Variants in MAGEA11 observed in about 807,000 individuals in gnomAD.
MAGEA11 encodes melanoma-associated antigen 11.
MAGEA11 carries 1 observed loss-of-function variant against 8.4 expected under a neutral mutation model. That is an observed-to-expected ratio of 0.12 (90% confidence interval 0.04 to 0.57). The LOEUF is 0.57. MAGEA11 is among the 20% of genes least tolerant of loss of function. MAGEA11 has a pLI of 0.91. For missense variants in MAGEA11, 209 were observed against 317.3 expected (o/e 0.66, Z 2.59); for synonymous variants, 127 against 119.3 (o/e 1.06, Z -0.42).
chrX:149,711,822 C>T, upstream of MAGEA11: 1 of 750,512 alleles, frequency 1.3e-6, no homozygotes, highest in Non-Finnish European at 1.6e-6. Flanking sequence ...GAGGACGGAG[C>T]TCCAGGCTCT....
chrX:149,692,536 T>C (rs1299250252), intron 1 of MAGEA11, among the ~76,000 whole-genome samples: 4 of 112,001 alleles, frequency 3.6e-5, no homozygotes, highest in African/African-American at 1.3e-4. Flanking sequence ...TTTTTCCATT[T>C]GTATTGAGTA....
intron 1 of MAGEA11, among the ~76,000 whole-genome samples, chrX:149,697,485 A>G (rs2090334405): frequency 2.7e-5 from 3 of 110,697 alleles, no homozygotes; most frequent in Non-Finnish European, 3.8e-5. Flanking sequence ...ACTGAAAGGC[A>G]GTGGAGAGGT....
intron 1 of MAGEA11, among the ~76,000 whole-genome samples, chrX:149,693,408 T>C (rs1557360308): frequency 9.0e-6 from 1 of 111,483 alleles, no homozygotes; most frequent in African/African-American, 3.3e-5. Flanking sequence ...TGTCTCTACC[T>C]GTGTGCAGAG....
chrX:149,694,023 G>A (rs2124278655), intron 1 of MAGEA11, among the ~76,000 whole-genome samples: 1 of 111,918 alleles, frequency 8.9e-6, no homozygotes, highest in East Asian at 2.8e-4. Flanking sequence ...GCGTCTATGT[G>A]CATTCATGTA....
At chrX:149,705,733 G>T (rs1354821877) in intron 1 of MAGEA11, among the ~76,000 whole-genome samples, 1 of 111,800 alleles carries the variant, frequency 8.9e-6, no homozygotes, top group Non-Finnish European at 1.9e-5. Flanking sequence ...ACCTTCCCAT[G>T]TATGGGCACA....
chrX:149,710,273 C>T (rs782583971), upstream of MAGEA11, among the ~76,000 whole-genome samples: 2 of 112,329 alleles, frequency 1.8e-5, no homozygotes, highest in East Asian at 2.8e-4. Context: ...TATACAAGTA[C>T]TGATATATCC....
chrX:149,714,185 T>G, intron 2 of MAGEA11: 1 of 287,556 alleles, frequency 3.5e-6, no homozygotes, highest in Non-Finnish European at 6.2e-6. Context: ...TGTCCTTGGC[T>G]GTGTGGGGAC....
intron 3 of MAGEA11, 48 bp downstream of exon 3, chrX:149,714,624 G>C: frequency 8.4e-7 from 1 of 1,197,289 alleles, no homozygotes. Flanking sequence ...CCAGAACACA[G>C]AGGGCTGCTT....
upstream of MAGEA11, among the ~76,000 whole-genome samples, chrX:149,708,279 C>T (rs1373453789): frequency 9.0e-6 from 1 of 111,497 alleles, no homozygotes; most frequent in African/African-American, 3.3e-5. Flanking sequence ...TAATCCATGT[C>T]GAATTAATTT....
chrX:149,713,103 A>C (rs2090410055), intron 1 of MAGEA11, 40 bp from the exon 2 acceptor site: 6 of 917,745 alleles, frequency 6.5e-6, no homozygotes, highest in Non-Finnish European at 9.4e-6. Context: ...GCCCCCCCCC[A>C]TAGTCCCGCC....
At chrX:149,709,838 C>A (rs2090392009), upstream of MAGEA11, among the ~76,000 whole-genome samples, 1 of 111,692 alleles carries the variant, frequency 9.0e-6, no homozygotes, top group Admixed American at 9.5e-5. Flanking sequence ...AATTTTGTTT[C>A]ATCAAATTGA....
At chrX:149,701,355 A>C (rs2090352385) in intron 1 of MAGEA11, among the ~76,000 whole-genome samples, 1 of 109,681 alleles carries the variant, frequency 9.1e-6, no homozygotes, top group African/African-American at 3.3e-5. Flanking sequence ...TTGGCTGCAT[A>C]AATGTCTTCT....
At chrX:149,714,165 C>G (rs1444767925) in intron 2 of MAGEA11, 4 of 248,076 alleles carry the variant, frequency 1.6e-5, no homozygotes, top group Non-Finnish European at 2.9e-5. Context: ...CACAGAGTCT[C>G]TCTGTCCCCT....
In MAGEA11 at chrX:149,716,739, A is replaced by T; in HGVS notation, c.1253A>T (p.Tyr418Phe). 2.5e-6 allele frequency: 3 copies of T among 1,203,062 alleles called. No individual in the cohort carries two copies. The highest frequency in any genetic ancestry group is 3.4e-6 in the Non-Finnish European group (3 of 891,271). The change falls in exon 5 of 5, where the codon TAT becomes TTT. Residue 418 changes from tyrosine to phenylalanine, a missense_variant. Tyr to Phe is a conservative substitution (Grantham distance 22). Transcript: ENST00000355220. Reference sequence around the variant, plus strand: ...GATCCCACTTCTTACCCATCCCTGTATGAAGATGCTTTGAGAGAGGAGGGA... The same window carrying T: ...GATCCCACTTCTTACCCATCCCTGTTTGAAGATGCTTTGAGAGAGGAGGGA... ...GRDPTSYPSL[Y>F]EDALREEGEG...
intron 1 of MAGEA11, among the ~76,000 whole-genome samples, chrX:149,699,971 A>G (rs1557360848): frequency 9.0e-6 from 1 of 111,525 alleles, no homozygotes; most frequent in Non-Finnish European, 1.9e-5. Context: ...GTTTGCGCAA[A>G]TGAGGAAGTG....
At chrX:149,692,007 A>G (rs1315457775) in intron 1 of MAGEA11, among the ~76,000 whole-genome samples, 1 of 112,952 alleles carries the variant, frequency 8.9e-6, no homozygotes, top group Non-Finnish European at 1.9e-5. Context: ...ATTGGGCAGC[A>G]TAAAACCACA....
chrX:149,694,031 G>T (rs186639870), intron 1 of MAGEA11, among the ~76,000 whole-genome samples: 5 of 112,015 alleles, frequency 4.5e-5, no homozygotes, highest in Admixed American at 1.9e-4. Flanking sequence ...GTGCATTCAT[G>T]TACAAGTGTT....
At position 149,716,486 on chromosome X, in the gene MAGEA11, A is replaced by G. The variant is rs1425366787; in HGVS notation, c.1000A>G (p.Met334Val). 1.7e-6 allele frequency: 2 copies of G among 1,209,983 alleles called. No homozygotes were observed. The highest frequency in any genetic ancestry group is 2.2e-6 in the Non-Finnish European group (2 of 895,130). ...MEGNCIPEEVMWEVLSIMGVY... is the reference protein window; with the variant it reads ...MEGNCIPEEVVWEVLSIMGVY... ...GGGGAACTGCATCCCTGAAGAGGTT[A>G]TGTGGGAAGTCCTGAGCATTATGGG... The change falls in exon 5 of 5, where the codon ATG becomes GTG. Residue 334 changes from methionine to valine, a missense_variant. Transcript: ENST00000355220.
upstream of MAGEA11, among the ~76,000 whole-genome samples, chrX:149,708,634 G>A (rs1235004807): frequency 1.8e-5 from 2 of 110,998 alleles, no homozygotes; most frequent in Non-Finnish European, 3.8e-5. Context: ...GGAACAGAGA[G>A]TAGGAGGTAG....
Sources: gnomAD v4.1 joint callset for allele counts (sites outside exome capture counted in the v4.1 genomes callset) on GRCh38, gnomAD v4.1.1 for gene constraint, MANE v1.5 for transcripts, NCBI Gene and HGNC (gene_info 2026-07-23, HGNC 2026-07-21) for gene names.